FAM151A: variants seen among roughly 807,000 people sequenced by gnomAD.
FAM151A encodes the protein family with sequence similarity 151 member A, also known as protein FAM151A.
In FAM151A, 41 loss-of-function variants were observed where a neutral mutation model predicts 40.4. The observed-to-expected ratio is 1.01, with a 90% CI of 0.79 to 1.32. FAM151A has a LOEUF of 1.32. Among genes scored for constraint, FAM151A ranks in the 40% most tolerant of loss-of-function variants. The pLI is 0.00. For missense variants in FAM151A, 740 were observed against 740.4 expected (o/e 1.00, Z 0.01); for synonymous variants, 337 against 312.5 (o/e 1.08, Z -0.83).
chr1:54,611,699 C>T lies in FAM151A; in HGVS notation c.847G>A (p.Glu283Lys), dbSNP rs761310995. The change falls in exon 6 of 8, where the codon GAA becomes AAA. Residue 283 changes from glutamate (E) to lysine (K), a missense_variant. By Grantham distance (56) the Glu-to-Lys change is moderately conservative. Transcript: ENST00000302250. The part of the protein sequence containing the change: ...WQAASDPMSV[E>K]DLLYVRDNTA... ...TTATCCCGGACGTAGAGCAGATCTTCCACCGACATGGGGTCCGAGGCAGCC... is the reference window on the plus strand; with the variant it reads ...TTATCCCGGACGTAGAGCAGATCTTTCACCGACATGGGGTCCGAGGCAGCC... 1.2e-6 allele frequency: 2 copies of T among 1,614,150 alleles called. No individual in the cohort carries two copies. Among genetic ancestry groups the T allele is most frequent in the Non-Finnish European group, 8.5e-7 (1 of 1,180,030 alleles).
At chr1:54,620,792 T>G (rs1279205239) in intron 1 of FAM151A, among the ~76,000 whole-genome samples, 2 of 131,568 alleles carry the variant, frequency 1.5e-5, no homozygotes, top group East Asian at 4.5e-4. Context: ...GAGGTTGTAG[T>G]GAGCCGAGAT....
rs550543284 is a variant in FAM151A at position 54,611,863 on chromosome 1, G to A, written c.801-118C>T. ...AGGGTAGAGCATCTGTCCTCCAGTCGCCCACCTGCCACTTCTCCCTGAGTC... is the reference window on the plus strand; with the variant it reads ...AGGGTAGAGCATCTGTCCTCCAGTCACCCACCTGCCACTTCTCCCTGAGTC... On this transcript the variant is annotated intron_variant, in intron 5 of 7. Coordinates refer to ENST00000302250, the MANE Select transcript of FAM151A (RefSeq NM_176782.3). 3.8e-5 allele frequency: 44 copies of A among 1,165,514 alleles called. No homozygotes were observed. In the African/African-American group the frequency reaches 4.3e-4, roughly 11 times the overall value. 72.2% of individuals were successfully genotyped at this position (1,165,514 alleles called of 1,614,324 possible). A position where few individuals can be genotyped will look rare whatever the true frequency, so the allele number is the denominator to read the frequency against.
chr1:54,611,028 T>C, intron 6 of FAM151A: 1 of 985,296 alleles, frequency 1.0e-6, no homozygotes. Context: ...GGGTTTGGAA[T>C]TTGCTGGTTT....
chr1:54,610,122 G>A lies in FAM151A; in HGVS notation c.1085-181C>T, dbSNP rs1234289791. On this transcript the variant is annotated intron_variant, in intron 7 of 7. Transcript: ENST00000302250. Reference sequence around the variant, plus strand: ...TGCTTTATAAATGTGCCTGGTGCATGAGAAACTCTTGTTTCAGCTCTTGGC... The same window carrying A: ...TGCTTTATAAATGTGCCTGGTGCATAAGAAACTCTTGTTTCAGCTCTTGGC... 1.4e-5 allele frequency: 20 copies of A among 1,434,172 alleles called. No individual in the cohort carries two copies. In the South Asian group the frequency reaches 3.0e-4, roughly 22 times the overall value. The allele number at this position is 1,434,172 out of a possible 1,614,324, so 88.8% of individuals were successfully genotyped here.
At chr1:54,611,854 C>A in intron 5 of FAM151A, 109 bp from the exon 6 acceptor site, 3 of 1,306,450 alleles carry the variant, frequency 2.3e-6, no homozygotes, top group Non-Finnish European at 2.1e-6. Context: ...GAGCATCTGT[C>A]CTCCAGTCGC....
chr1:54,612,010 T>A (rs760231239), intron 5 of FAM151A, among the ~76,000 whole-genome samples: 4 of 149,786 alleles, frequency 2.7e-5, no homozygotes, highest in Non-Finnish European at 5.9e-5. Context: ...CTGAGTCCTG[T>A]CTTAGGAAAG....
At chr1:54,610,265 C>T in intron 7 of FAM151A, 147 bp downstream of exon 7, 2 of 1,482,684 alleles carry the variant, frequency 1.3e-6, no homozygotes, top group Non-Finnish European at 1.8e-6. Flanking sequence ...CCCTCTCCCT[C>T]CCCGCAACCC....
chr1:54,623,042 G>T (rs1644245826), intron 1 of FAM151A, among the ~76,000 whole-genome samples: 2 of 151,892 alleles, frequency 1.3e-5, no homozygotes, highest in Admixed American at 1.3e-4. Context: ...TGGGCGTGGT[G>T]GCGGGTGCCT....
intron 2 of FAM151A, among the ~76,000 whole-genome samples, chr1:54,619,292 G>A (rs1189079008): frequency 6.6e-6 from 1 of 152,184 alleles, no homozygotes; most frequent in Admixed American, 6.5e-5. Flanking sequence ...GAGAGGGTGG[G>A]GGTCAAGCGT....
rs751175546 is a variant in FAM151A at position 54,609,302 on chromosome 1, T to C, written c.1724A>G (p.His575Arg). The C allele has an allele frequency of 2.5e-6, 4 of 1,610,316 alleles. No individual in the cohort carries two copies. Among genetic ancestry groups the C allele is most frequent in the Non-Finnish European group, 3.4e-6 (4 of 1,177,168 alleles). ...RVYYRLPQGYHKDLLAHVGRN is the reference protein window; with the variant it reads ...RVYYRLPQGYRKDLLAHVGRN ...ACCAACATGAGCCAGCAAGTCCTTG[T>C]GGTAGCCCTGGGGTAGCCTGTAGTA... The change falls in exon 8 of 8, where the codon CAC becomes CGC. Residue 575 changes from histidine to arginine, a missense_variant. Coordinates refer to ENST00000302250, the MANE Select transcript of FAM151A (RefSeq NM_176782.3).
chr1:54,614,987 G>A (rs907726382), intron 3 of FAM151A, 128 bp from the exon 4 acceptor site: 6 of 901,736 alleles, frequency 6.7e-6, no homozygotes, highest in African/African-American at 5.0e-5. Flanking sequence ...AGGGGAGGGC[G>A]GAAGGACCAG....
intron 6 of FAM151A, 121 bp downstream of exon 6, chr1:54,611,485 C>T: frequency 1.0e-6 from 1 of 954,510 alleles, no homozygotes; most frequent in Non-Finnish European, 1.6e-6. Flanking sequence ...CAGCCGCCTC[C>T]TGTCCCACCC....
Position 54,619,997 on chromosome 1 carries a change from C to T in FAM151A, c.129G>A (p.Leu43=), listed in dbSNP as rs1450066261. The part of the protein sequence containing the change: ...AITLRRPGCE[L]EACSPDADML... ...TGTCGGCATCAGGGCTGCAGGCCTC[C>T]AGCTCACAGCCTGGAAGGAATCCCA... is the stretch of plus-strand genomic sequence containing the variant. The change falls in exon 2 of 8, where the codon CTG becomes CTA. Residue 43 remains leucine (L), a synonymous_variant. Transcript: ENST00000302250. 2 of 1,612,748 alleles carry T rather than the reference C, an allele frequency of 1.2e-6. No individual in the cohort carries two copies. Among genetic ancestry groups the T allele is most frequent in the East Asian group, 2.2e-5 (1 of 44,878 alleles).
intron 3 of FAM151A, among the ~76,000 whole-genome samples, chr1:54,615,745 G>T (rs1416762859): frequency 6.6e-6 from 1 of 152,214 alleles, no homozygotes; most frequent in Admixed American, 6.5e-5. Context: ...ACAGGAGGGA[G>T]CACTCTGAGC....
At chr1:54,610,045 C>A in intron 7 of FAM151A, 104 bp from the exon 8 acceptor site, 2 of 1,450,662 alleles carry the variant, frequency 1.4e-6, no homozygotes. Flanking sequence ...TCATCAAGGA[C>A]CTTGCCTCTC....
intron 1 of FAM151A, among the ~76,000 whole-genome samples, chr1:54,622,769 T>C (rs1477655090): frequency 1.4e-5 from 2 of 147,590 alleles, no homozygotes; most frequent in African/African-American, 5.0e-5. Flanking sequence ...GACTTTCTGC[T>C]GGGGAAGTCA....
In FAM151A at chr1:54,609,844, C is replaced by T. The variant is rs747462973; in HGVS notation, c.1182G>A (p.Thr394=). ...CCAGCTGCTGCAGGCAGGACTCCAG[C>T]GTCAGGATGTTGCCACTTGGAGTAT... ...IVHTPSGNIL[T]LESCLQQLAT... Residue 394 remains threonine, a synonymous_variant, in exon 8 of 8, where the codon ACG becomes ACA. Transcript: ENST00000302250. 6.8e-6 allele frequency: 11 copies of T among 1,613,972 alleles called. No individual in the cohort carries two copies. Among genetic ancestry groups the T allele is most frequent in the Admixed American group, 5.0e-5 (3 of 60,008 alleles).
intron 4 of FAM151A, 137 bp downstream of exon 4, chr1:54,614,563 A>G: frequency 1.2e-6 from 1 of 812,566 alleles, no homozygotes; most frequent in Non-Finnish European, 1.9e-6. Flanking sequence ...AGGGAACAGC[A>G]TGTGCAAAGG....
rs1376752868 is a variant in FAM151A at position 54,609,403 on chromosome 1, G to C, written c.1623C>G (p.His541Gln). The C allele has an allele frequency of 6.2e-7, 1 of 1,614,068 alleles. No homozygotes were observed. Among genetic ancestry groups the C allele is most frequent in the African/African-American group, 1.3e-5 (1 of 75,082 alleles). The change falls in exon 8 of 8, where the codon CAC becomes CAG. Residue 541 changes from histidine to glutamine, a missense_variant. His to Gln is a conservative substitution (Grantham distance 24, BLOSUM62 0). Coordinates refer to ENST00000302250, the MANE Select transcript of FAM151A (RefSeq NM_176782.3). ...AGGCATAGTCGCCCCCAGCTGGGTT[G>C]TGCTCCACTGTGACGGTGGCCCGGG... ...SSPRATVTVE[H>Q]NPAGGDYASV...
Sources: gnomAD v4.1 joint callset for allele counts (sites outside exome capture counted in the v4.1 genomes callset) on GRCh38, gnomAD v4.1.1 for gene constraint, MANE v1.5 for transcripts, NCBI Gene and HGNC (gene_info 2026-07-23, HGNC 2026-07-21) for gene names.